The following TMEM132C variants were observed in gnomAD, a reference collection of about 807,000 sequenced individuals.
TMEM132C encodes the protein transmembrane protein 132C, also known as protein phosphatase 1, regulatory subunit 152.
Under a neutral mutation model 61.4 loss-of-function variants are expected in TMEM132C, and 29 were observed. That is an observed-to-expected ratio of 0.47 (90% CI 0.35 to 0.64). TMEM132C has a LOEUF of 0.64. Among genes scored for constraint, TMEM132C ranks in the 30% least tolerant of loss-of-function variants. The pLI is 0.00. For missense variants in TMEM132C, 1,408 were observed against 1,476.9 expected (o/e 0.95, Z 0.76); for synonymous variants, 656 against 633.1 (o/e 1.04, Z -0.54).
intron 1 of TMEM132C, among the ~76,000 whole-genome samples, chr12:128,409,493 T>TG (rs879676649): frequency 3.3e-5 from 5 of 152,100 alleles, no homozygotes; most frequent in African/African-American, 7.2e-5. Flanking sequence ...ATCATCACCA[T>TG]GGGGGGAGAA....
chr12:128,594,563 C>T (rs902260890), intron 3 of TMEM132C, among the ~76,000 whole-genome samples: 1 of 152,154 alleles, frequency 6.6e-6, no homozygotes, highest in Non-Finnish European at 1.5e-5. Flanking sequence ...AACCCGGAGC[C>T]ACCCTCCCTC....
At chr12:128,698,923 A>G (rs1043430209) in intron 8 of TMEM132C, among the ~76,000 whole-genome samples, 2 of 152,194 alleles carry the variant, frequency 1.3e-5, no homozygotes, top group African/African-American at 4.8e-5. Flanking sequence ...CAGGAACACG[A>G]TAGTGCTACA....
intron 2 of TMEM132C, among the ~76,000 whole-genome samples, chr12:128,431,985 C>A (rs10847619): frequency 0.38 from 57,877 of 151,946 alleles, 11,224 homozygotes; most frequent in South Asian, 0.48. Context: ...GAATTATGCT[C>A]AATCTGCTCT....
At chr12:128,635,783 T>C (rs914318784) in intron 4 of TMEM132C, among the ~76,000 whole-genome samples, 3 of 152,206 alleles carry the variant, frequency 2.0e-5, no homozygotes, top group African/African-American at 7.2e-5. Flanking sequence ...CGCTCCCAGG[T>C]GGATGTCACT....
At chr12:128,566,827 C>T (rs1479425246) in intron 3 of TMEM132C, among the ~76,000 whole-genome samples, 1 of 152,202 alleles carries the variant, frequency 6.6e-6, no homozygotes, top group Non-Finnish European at 1.5e-5. Context: ...TAACAAGTTA[C>T]TAAACTCTAT....
chr12:128,569,116 G>A (rs1352831540), intron 3 of TMEM132C, among the ~76,000 whole-genome samples: 4 of 152,152 alleles, frequency 2.6e-5, no homozygotes, highest in African/African-American at 9.7e-5. Flanking sequence ...AGTTGGAGCG[G>A]TCAACCCAGT....
At chr12:128,538,135 T>G (rs1245951381) in intron 2 of TMEM132C, among the ~76,000 whole-genome samples, 1 of 152,156 alleles carries the variant, frequency 6.6e-6, no homozygotes, top group Non-Finnish European at 1.5e-5. Context: ...GTAGTAGTAT[T>G]TTGAGATGGA....
rs200339631 is a variant in TMEM132C, at chr12:128,415,308, C to T, written c.662C>T (p.Pro221Leu). ...GGGAGGAAGAAGTCCATGGACCAGC[C>T]GGAGGGGACCCCTGTGGAGCTCTAC... ...GAGRKKSMDQ[P>L]EGTPVELYYT... The change falls in exon 2 of 9, where the codon CCG becomes CTG. Residue 221 changes from proline (P) to leucine (L), a missense_variant. Physicochemically the swap from Pro to Leu is moderately conservative, Grantham distance 98 (BLOSUM62 -3). Coordinates refer to ENST00000435159, the MANE Select transcript of TMEM132C (RefSeq NM_001136103.3). This position sits in a 1 kb window ranked among gnomAD's most constrained non-coding sequence, Gnocchi z 5.8. The T allele has an allele frequency of 6.7e-4, 1,072 of 1,593,602 alleles. 1 individual carries two copies. Among genetic ancestry groups the T allele is most frequent in the Non-Finnish European group, 8.3e-4 (969 of 1,169,524 alleles).
At chr12:128,539,281 T>C (rs1166931365) in intron 2 of TMEM132C, among the ~76,000 whole-genome samples, 2 of 152,204 alleles carry the variant, frequency 1.3e-5, no homozygotes, top group Non-Finnish European at 2.9e-5. Context: ...CATGCTCAAG[T>C]AGGTTCCCAA....
chr12:128,607,174 G>C (rs1281126096), intron 3 of TMEM132C, among the ~76,000 whole-genome samples: 2 of 152,204 alleles, frequency 1.3e-5, no homozygotes, highest in African/African-American at 2.4e-5. Context: ...ATTCCAGGCA[G>C]AGGAGGGAGC....
chr12:128,483,180 A>G (rs1405817655), intron 2 of TMEM132C, among the ~76,000 whole-genome samples: 5 of 149,254 alleles, frequency 3.3e-5, no homozygotes, highest in Non-Finnish European at 7.4e-5. Flanking sequence ...AGGTGGGGCG[A>G]TTGCTTGAGT....
At chr12:128,434,531 G>A (rs184891566) in intron 2 of TMEM132C, among the ~76,000 whole-genome samples, 353 of 152,114 alleles carry the variant, frequency 2.3e-3, no homozygotes, top group East Asian at 9.3e-3. Flanking sequence ...CAAGTGATCC[G>A]CCTGCCTCGG....
intron 2 of TMEM132C, among the ~76,000 whole-genome samples, chr12:128,532,946 C>T (rs10161113): frequency 0.16 from 24,010 of 152,086 alleles, 2,919 homozygotes; most frequent in African/African-American, 0.33. Context: ...CTCTGAAGGC[C>T]TTTGGAATAC....
At chr12:128,665,779 TCACA>T (rs775798135) in intron 4 of TMEM132C, among the ~76,000 whole-genome samples, 28 of 72,894 alleles carry the variant, frequency 3.8e-4, no homozygotes, top group East Asian at 2.0e-3. Flanking sequence ...ACACAGGCAC[TCACA>T]CACACAGGCA....
intron 2 of TMEM132C, among the ~76,000 whole-genome samples, chr12:128,470,255 C>T (rs1870902941): frequency 6.6e-6 from 1 of 152,178 alleles, no homozygotes; most frequent in African/African-American, 2.4e-5. Flanking sequence ...ACTTACCATC[C>T]TGTCTTGCTT....
chr12:128,557,151 C>G (rs115187752), intron 3 of TMEM132C, among the ~76,000 whole-genome samples: 1 of 152,066 alleles, frequency 6.6e-6, no homozygotes, highest in Non-Finnish European at 1.5e-5. Flanking sequence ...GAGATATTGA[C>G]GGGTTTGTCA....
chr12:128,422,221 G>C (rs1318432789), intron 2 of TMEM132C, among the ~76,000 whole-genome samples: 2 of 152,172 alleles, frequency 1.3e-5, no homozygotes, highest in Non-Finnish European at 2.9e-5. Flanking sequence ...GACTTCCACT[G>C]ACTGCCTCCC....
chr12:128,674,401 T>A (rs1396441258), intron 5 of TMEM132C, among the ~76,000 whole-genome samples: 1 of 152,240 alleles, frequency 6.6e-6, no homozygotes, highest in Admixed American at 6.5e-5. Context: ...CATTTATGAA[T>A]CATGCTGCAA....
intron 2 of TMEM132C, among the ~76,000 whole-genome samples, chr12:128,460,265 A>G (rs986314790): frequency 6.6e-6 from 1 of 152,186 alleles, no homozygotes; most frequent in Non-Finnish European, 1.5e-5. Context: ...ATCAAGGCCA[A>G]TGACAGTGTC....
Sources: allele counts gnomAD v4.1 joint callset (sites outside exome capture counted in the v4.1 genomes callset), GRCh38; gene constraint gnomAD v4.1.1; non-coding constraint Gnocchi (gnomAD v3.1); transcripts MANE v1.5; gene names NCBI Gene and HGNC (gene_info 2026-07-23, HGNC 2026-07-21).